Variants in MOB1B observed in about 807,000 individuals in gnomAD.
MOB1B encodes MOB1 Mps One Binder homolog B.
Under a neutral mutation model 24.4 loss-of-function variants are expected in MOB1B, and 19 were observed. That is an observed-to-expected ratio of 0.78 (90% CI 0.54 to 1.14). The LOEUF (loss-of-function observed/expected upper bound fraction) is 1.14. Ranked by LOEUF, MOB1B falls within the 50% of genes most tolerant of loss-of-function variation. MOB1B has a pLI of 0.00. For missense variants in MOB1B, 243 were observed against 259.6 expected (o/e 0.94, Z 0.44); for synonymous variants, 76 against 82.1 (o/e 0.93, Z 0.40).
At chr4:70,965,796 C>CAAAAAAAAAA (rs71211986) in intron 2 of MOB1B, among the ~76,000 whole-genome samples, 5 of 28,696 alleles carry the variant, frequency 1.7e-4, no homozygotes, top group Admixed American at 4.8e-4. Flanking sequence ...GACTCCGTCT[C>CAAAAAAAAAA]AAAAAAAAAA....
intron 1 of MOB1B, among the ~76,000 whole-genome samples, chr4:70,919,706 C>T (rs1448191398): frequency 1.3e-5 from 2 of 152,196 alleles, no homozygotes; most frequent in Non-Finnish European, 2.9e-5. Context: ...CCCATGTTGG[C>T]CAGGCTGGTC....
intron 1 of MOB1B, among the ~76,000 whole-genome samples, chr4:70,922,043 A>G (rs1197212298): frequency 6.6e-6 from 1 of 152,200 alleles, no homozygotes; most frequent in African/African-American, 2.4e-5. Flanking sequence ...GAATTAGACA[A>G]AATTATTCTT....
chr4:70,927,539 C>CAA (rs111980845), intron 1 of MOB1B, among the ~76,000 whole-genome samples: 5 of 140,726 alleles, frequency 3.6e-5, no homozygotes, highest in African/African-American at 7.7e-5. Context: ...GAATCTGTCT[C>CAA]AAAAAAAAAA....
chr4:70,903,573 G>C (rs1170759267), intron 1 of MOB1B, among the ~76,000 whole-genome samples: 1 of 152,162 alleles, frequency 6.6e-6, no homozygotes, highest in Non-Finnish European at 1.5e-5. Context: ...AAACTTAGAA[G>C]TTGAAACTCA....
chr4:70,940,621 A>C (rs1474417799), intron 1 of MOB1B, among the ~76,000 whole-genome samples: 1 of 151,644 alleles, frequency 6.6e-6, no homozygotes, highest in Non-Finnish European at 1.5e-5. Flanking sequence ...TGGATGAACA[A>C]TTTTCCTTTC....
chr4:70,902,282 C>T, upstream of MOB1B: 1 of 586,328 alleles, frequency 1.7e-6, no homozygotes, highest in Non-Finnish European at 3.1e-6. Context: ...GAGGGGCTCG[C>T]GGAGAGCCTG....
Position 70,983,410 on chromosome 4 carries a change from A to C in MOB1B, c.*1353A>C, listed in dbSNP as rs560817598. The C allele has an allele frequency of 6.6e-6, 1 of 152,566 alleles. No individual in the cohort carries two copies. Among genetic ancestry groups the C allele is most frequent in the South Asian group, 2.1e-4 (1 of 4,828 alleles). The allele number at this position is 152,566 out of a possible 1,614,324, so 9.5% of individuals were successfully genotyped here. ...TAACTTCTAAATTTTATTCGCCATG[A>C]CTTTCTAGTGAATTATTACCATAAA... On this transcript the variant is annotated 3_prime_UTR_variant, in exon 6 of 6. Coordinates refer to ENST00000309395, the MANE Select transcript of MOB1B (RefSeq NM_173468.4).
At chr4:70,941,728 G>A (rs560546602) in intron 1 of MOB1B, among the ~76,000 whole-genome samples, 4 of 152,098 alleles carry the variant, frequency 2.6e-5, no homozygotes, top group East Asian at 3.9e-4. Context: ...AGAAACTTTG[G>A]TATCTTTCTT....
intron 1 of MOB1B, among the ~76,000 whole-genome samples, chr4:70,904,243 C>G (rs936177774): frequency 6.6e-6 from 1 of 151,662 alleles, no homozygotes; most frequent in Non-Finnish European, 1.5e-5. Flanking sequence ...CTTGATCTCC[C>G]AAAGTGCTGG....
intron 1 of MOB1B, among the ~76,000 whole-genome samples, chr4:70,946,123 G>GGGCAGGAC (rs1737572313): frequency 6.8e-6 from 1 of 146,156 alleles, no homozygotes; most frequent in African/African-American, 2.5e-5. Context: ...AGTTTAAGTA[G>GGGCAGGAC]GGCAGGACTA....
intron 2 of MOB1B, among the ~76,000 whole-genome samples, chr4:70,967,381 A>G (rs1381313554): frequency 6.6e-6 from 1 of 152,056 alleles, no homozygotes; most frequent in Non-Finnish European, 1.5e-5. Context: ...TGGTCCACCC[A>G]CCTCAGCCTC....
In MOB1B at chr4:70,935,827, C is replaced by A. The variant is rs183627452; in HGVS notation, c.15-23047C>A. Among the ~76,000 whole-genome samples, 51 of 150,602 alleles carry A rather than the reference C, an allele frequency of 3.4e-4. 2 individuals are homozygous for A. The South Asian group carries it at 0.011, about 32-fold the overall frequency. The stretch of plus-strand genomic sequence containing the variant: ...GAGTAGCTGGGACTACAGGTGTGTA[C>A]CACCATGCCTGGTACACTAATTTTT... On this transcript the variant is annotated intron_variant, in intron 1 of 5. Coordinates refer to ENST00000309395, the MANE Select transcript of MOB1B (RefSeq NM_173468.4).
chr4:70,975,964 A>G (rs559272184), intron 4 of MOB1B: 2 of 386,364 alleles, frequency 5.2e-6, no homozygotes, highest in Non-Finnish European at 7.1e-6. Flanking sequence ...CAGTGGCGTG[A>G]TCTTGGCTCA....
chr4:70,965,946 T>G (rs1738511121), intron 2 of MOB1B, among the ~76,000 whole-genome samples: 1 of 151,778 alleles, frequency 6.6e-6, no homozygotes, highest in East Asian at 1.9e-4. Flanking sequence ...ATAAAAAATC[T>G]GAATAATCTT....
chr4:70,975,464 TAAGC>T, intron 4 of MOB1B, 178 bp downstream of exon 4: 2 of 1,331,754 alleles, frequency 1.5e-6, no homozygotes, highest in Non-Finnish European at 1.9e-6. Flanking sequence ...AGTGGTAAAA[TAAGC>T]AAGTGATCCT....
intron 1 of MOB1B, among the ~76,000 whole-genome samples, chr4:70,934,284 C>T (rs971151674): frequency 1.3e-5 from 2 of 150,604 alleles, no homozygotes; most frequent in African/African-American, 4.9e-5. Context: ...TGGGGTTTCA[C>T]CATGTTGGCC....
chr4:70,927,621 C>T (rs566663199), intron 1 of MOB1B, among the ~76,000 whole-genome samples: 12 of 152,158 alleles, frequency 7.9e-5, no homozygotes, highest in Admixed American at 5.9e-4. Flanking sequence ...AGAATTTTGC[C>T]GAATTGAGCT....
chr4:70,927,408 C>T (rs1736698913), intron 1 of MOB1B, among the ~76,000 whole-genome samples: 1 of 151,798 alleles, frequency 6.6e-6, no homozygotes, highest in Non-Finnish European at 1.5e-5. Flanking sequence ...GGCATGGTGG[C>T]ACTCGCCTGT....
At chr4:70,950,427 CAAAAAAAAAAA>C (rs34937726) in intron 1 of MOB1B, among the ~76,000 whole-genome samples, 3 of 70,392 alleles carry the variant, frequency 4.3e-5, no homozygotes, top group Non-Finnish European at 1.0e-4. Flanking sequence ...GTCTCTGTAT[CAAAAAAAAAAA>C]AAAAAAAAAA....
Sources: allele counts gnomAD v4.1 joint callset (sites outside exome capture counted in the v4.1 genomes callset), GRCh38; gene constraint gnomAD v4.1.1; transcripts MANE v1.5; gene names NCBI Gene and HGNC (gene_info 2026-07-23, HGNC 2026-07-21).